The following ITCH variants were observed in gnomAD, a reference collection of about 807,000 sequenced individuals.
The protein encoded by ITCH is itchy E3 ubiquitin protein ligase.
ITCH carries 28 observed loss-of-function variants against 126.8 expected under a neutral mutation model. That is an observed-to-expected ratio of 0.22 (90% CI 0.16 to 0.30). ITCH has a LOEUF of 0.30. Among genes scored for constraint, ITCH ranks in the 10% least tolerant of loss-of-function variants. ITCH has a pLI of 1.00. For synonymous variants in ITCH, 342 were observed against 340.0 expected (o/e 1.01, Z -0.06); for missense variants, 631 against 1,032.4 (o/e 0.61, Z 5.33).
At chr20:34,499,897 T>G (rs2146548324) in intron 23 of ITCH, among the ~76,000 whole-genome samples, 1 of 152,344 alleles carries the variant, frequency 6.6e-6, no homozygotes, top group South Asian at 2.1e-4. Flanking sequence ...CCATTTGCAT[T>G]TGTTTCATGG....
At chr20:34,475,537 C>T (rs1600442514) in intron 16 of ITCH, among the ~76,000 whole-genome samples, 1 of 152,138 alleles carries the variant, frequency 6.6e-6, no homozygotes, top group Middle Eastern at 3.2e-3. Flanking sequence ...TGCCTGCAAT[C>T]GTAGGCACTG....
chr20:34,413,845 A>G lies in ITCH; in HGVS notation c.441A>G (p.Glu147=). Residue 147 remains glutamate, a synonymous_variant, in exon 6 of 25, where the codon GAA becomes GAG. Transcript: ENST00000374864. ...ICLDGLQLES[E]VVTNGETTCS... ...TTGATGGGCTACAGTTAGAGTCTGA[A>G]GTTGTTACCAATGGTGAAACTACAT... 3.1e-6 allele frequency: 5 copies of G among 1,613,778 alleles called. No individual in the cohort carries two copies. The highest frequency in any genetic ancestry group is 4.2e-6 in the Non-Finnish European group (5 of 1,179,694).
At chr20:34,401,972 G>A (rs941090129) in intron 3 of ITCH, among the ~76,000 whole-genome samples, 8 of 151,804 alleles carry the variant, frequency 5.3e-5, no homozygotes, top group South Asian at 2.1e-4. Context: ...CTAGGGATAC[G>A]GGGGGGCGGC....
At chr20:34,403,787 T>C (rs1053973382) in intron 3 of ITCH, among the ~76,000 whole-genome samples, 1 of 152,120 alleles carries the variant, frequency 6.6e-6, no homozygotes, top group African/African-American at 2.4e-5. Context: ...TCAGGAAATA[T>C]AATTTTAATG....
chr20:34,394,223 A>C (rs543984290), intron 3 of ITCH, among the ~76,000 whole-genome samples: 4 of 151,976 alleles, frequency 2.6e-5, no homozygotes, highest in African/African-American at 9.6e-5. Context: ...AAAAAAAAAA[A>C]AAAAAAAAAC....
At position 34,462,012 on chromosome 20, in the gene ITCH, T is replaced by C. The variant is rs183830476; in HGVS notation, c.1296-81T>C. ...TTTTCTAAAAGATTTCTGCTATGTT[T>C]ATTGACATTTGTAGCTTCTGTACTT... On this transcript the variant is annotated intron_variant, in intron 13 of 24. Transcript: ENST00000374864. The C allele has an allele frequency of 2.1e-4, 294 of 1,371,622 alleles. 2 individuals are homozygous for C. The African/African-American group carries it at 3.9e-3, about 18-fold the overall frequency. 85.0% of individuals were successfully genotyped at this position (1,371,622 alleles called of 1,614,324 possible).
At chr20:34,396,230 C>A (rs1380804119) in intron 3 of ITCH, among the ~76,000 whole-genome samples, 2 of 151,824 alleles carry the variant, frequency 1.3e-5, no homozygotes, top group African/African-American at 4.8e-5. Flanking sequence ...GACGGGGTTT[C>A]ACCATGTTGG....
chr20:34,446,437 G>A (rs935834836), intron 11 of ITCH, among the ~76,000 whole-genome samples: 15 of 152,000 alleles, frequency 9.9e-5, no homozygotes, highest in Non-Finnish European at 1.9e-4. Flanking sequence ...CATCATAATA[G>A]CACTCACTGC....
intron 14 of ITCH, among the ~76,000 whole-genome samples, chr20:34,469,176 T>G (rs1427791709): frequency 1.3e-5 from 2 of 152,056 alleles, no homozygotes; most frequent in African/African-American, 4.8e-5. Context: ...ACTTAAGCTA[T>G]CAGGGTCACA....
chr20:34,449,593 ATGTC>A (rs2146322422), intron 12 of ITCH, 113 bp downstream of exon 12: 2 of 744,802 alleles, frequency 2.7e-6, no homozygotes, highest in Non-Finnish European at 4.6e-6. Context: ...GCTTGAGTGA[ATGTC>A]TGGGAAGTTT....
chr20:34,392,396 CT>C (rs2038519418), intron 2 of ITCH, among the ~76,000 whole-genome samples: 1 of 152,122 alleles, frequency 6.6e-6, no homozygotes, highest in Non-Finnish European at 1.5e-5. Flanking sequence ...AGAAAATGAG[CT>C]AGTCCTTATG....
intron 4 of ITCH, 98 bp downstream of exon 4, chr20:34,408,890 T>C: frequency 1.6e-6 from 2 of 1,212,486 alleles, no homozygotes; most frequent in South Asian, 1.4e-5. Context: ...TTTGTTGTTG[T>C]TGTTCCTCCT....
intron 15 of ITCH, 123 bp downstream of exon 15, chr20:34,470,243 T>G: frequency 6.2e-6 from 5 of 810,992 alleles, no homozygotes; most frequent in East Asian, 2.4e-5. Flanking sequence ...TTAGAATCTC[T>G]TTCATCTATT....
chr20:34,429,876 C>G (rs1182992282), intron 7 of ITCH, among the ~76,000 whole-genome samples: 2 of 151,976 alleles, frequency 1.3e-5, no homozygotes, highest in Non-Finnish European at 2.9e-5. Flanking sequence ...GACCTAAGAC[C>G]TTAAAACAGA....
At chr20:34,379,378 C>T (rs2037965624) in intron 2 of ITCH, among the ~76,000 whole-genome samples, 1 of 152,092 alleles carries the variant, frequency 6.6e-6, no homozygotes, top group African/African-American at 2.4e-5. Flanking sequence ...GTCTTCAGTT[C>T]AGTGACATTA....
rs146416682 is a variant in ITCH at position 34,445,520 on chromosome 20, C to G, written c.1140+59C>G. ...GTATTTTGTTTCTAGCCCCTTCCAG[C>G]ATATGTCATGGAAAGCACTAAAAAG... On this transcript the variant is annotated intron_variant, in intron 11 of 24. Coordinates refer to ENST00000374864, the MANE Select transcript of ITCH (RefSeq NM_031483.7). 9.2e-6 allele frequency: 14 copies of G among 1,528,946 alleles called. No homozygotes were observed. In the Admixed American group the frequency reaches 2.3e-4, roughly 26 times the overall value. The allele number at this position is 1,528,946 out of a possible 1,614,324, so 94.7% of individuals were successfully genotyped here. A position where few individuals can be genotyped will look rare whatever the true frequency, so the allele number is the denominator to read the frequency against.
intron 3 of ITCH, among the ~76,000 whole-genome samples, chr20:34,398,886 C>T (rs2146097205): frequency 6.6e-6 from 1 of 152,128 alleles, no homozygotes; most frequent in South Asian, 2.1e-4. Context: ...GACAGAAGTG[C>T]CAAGTTTAAT....
At chr20:34,498,505 T>A (rs527837239) in intron 23 of ITCH, among the ~76,000 whole-genome samples, 1 of 152,340 alleles carries the variant, frequency 6.6e-6, no homozygotes, top group Admixed American at 6.5e-5. Context: ...GTACATTCCT[T>A]CTGTGCCTAA....
chr20:34,366,208 G>T (rs895556016), intron 1 of ITCH, among the ~76,000 whole-genome samples: 1 of 152,042 alleles, frequency 6.6e-6, no homozygotes, highest in Non-Finnish European at 1.5e-5. Context: ...ATTTTGAAAC[G>T]CAAGGTCAGA....
Sources: gnomAD v4.1 joint callset for allele counts (sites outside exome capture counted in the v4.1 genomes callset) on GRCh38, gnomAD v4.1.1 for gene constraint, MANE v1.5 for transcripts, NCBI Gene and HGNC (gene_info 2026-07-23, HGNC 2026-07-21) for gene names.